Variants in SPATA6 observed in about 807,000 individuals in gnomAD.
SPATA6 encodes the protein spermatogenesis associated 6.
Under a neutral mutation model 65.3 loss-of-function variants are expected in SPATA6, and 56 were observed. The observed-to-expected ratio is 0.86, with a 90% confidence interval of 0.69 to 1.07. The LOEUF is 1.07. Among genes scored for constraint, SPATA6 ranks in the 50% least tolerant of loss-of-function variants. The pLI, the probability that SPATA6 is intolerant of heterozygous loss-of-function variation, is 0.00. For synonymous variants in SPATA6, 199 were observed against 213.2 expected (o/e 0.93, Z 0.58); for missense variants, 590 against 594.8 (o/e 0.99, Z 0.08).
intron 9 of SPATA6, among the ~76,000 whole-genome samples, chr1:48,364,875 T>A (rs1646946253): frequency 6.6e-6 from 1 of 152,210 alleles, no homozygotes; most frequent in Non-Finnish European, 1.5e-5. Context: ...TCCTTGCCCA[T>A]GCCCATGTCC....
chr1:48,402,333 TA>T (rs1651243790), intron 6 of SPATA6, among the ~76,000 whole-genome samples: 3 of 151,520 alleles, frequency 2.0e-5, no homozygotes, highest in Admixed American at 2.0e-4. Context: ...GACAAAAAGT[TA>T]AAAAGAAAAA....
intron 7 of SPATA6, among the ~76,000 whole-genome samples, chr1:48,396,086 T>A (rs988350982): frequency 4.0e-5 from 6 of 151,540 alleles, no homozygotes; most frequent in Non-Finnish European, 7.4e-5. Context: ...AAATGGCCAA[T>A]AAGAACATGA....
At chr1:48,471,937 G>C (rs1172885653) in intron 1 of SPATA6, 21 bp downstream of exon 1, 3 of 1,610,004 alleles carry the variant, frequency 1.9e-6, no homozygotes, top group African/African-American at 2.7e-5. Context: ...CCCGGGGGTG[G>C]GAGGCGCTAC....
intron 6 of SPATA6, among the ~76,000 whole-genome samples, chr1:48,402,147 G>GTAAAAA (rs1306962345): frequency 6.6e-6 from 1 of 151,742 alleles, no homozygotes. Flanking sequence ...AAGTCAAAAA[G>GTAAAAA]TAAAAATAAA....
At chr1:48,343,755 C>T (rs1474977059) in intron 11 of SPATA6, among the ~76,000 whole-genome samples, 3 of 151,886 alleles carry the variant, frequency 2.0e-5, no homozygotes, top group Admixed American at 1.3e-4. Context: ...AAAAATTATA[C>T]GGGAATACAA....
At chr1:48,412,459 G>C (rs1570489504) in intron 4 of SPATA6, among the ~76,000 whole-genome samples, 2 of 152,148 alleles carry the variant, frequency 1.3e-5, no homozygotes, top group African/African-American at 4.8e-5. Flanking sequence ...TGATAAGTTA[G>C]TTTCCATTTT....
rs1646803602 is a variant in SPATA6 at position 48,361,219 on chromosome 1, T to C, written c.910-1449A>G. On this transcript the variant is annotated intron_variant, in intron 9 of 12. Coordinates refer to ENST00000371847, the MANE Select transcript of SPATA6 (RefSeq NM_019073.4). The stretch of plus-strand genomic sequence containing the variant: ...AGAATTAGCCCTGGGAATACTCCAA[T>C]ATTTAGAGGCTTGAAAGATGAAAAG... Among the ~76,000 whole-genome samples the C allele has an allele frequency of 2.0e-5, 3 of 152,020 alleles. No individual in the cohort carries two copies. The South Asian group carries it at 6.2e-4, about 32-fold the overall frequency.
At chr1:48,283,721 G>GAAAGAAAGAAAGAAAGAAAGAAAGAA in the SPATA6 span, among the ~76,000 whole-genome samples, 1 of 142,058 alleles carries the variant, frequency 7.0e-6, no homozygotes, top group African/African-American at 2.6e-5. Context: ...AAGAAAGAAA[G>GAAAGAAAGAAAGAAAGAAAGAAAGAA]AAAATTCTTT....
intron 9 of SPATA6, among the ~76,000 whole-genome samples, chr1:48,374,494 C>A (rs1009617365): frequency 1.1e-4 from 16 of 152,184 alleles, no homozygotes; most frequent in African/African-American, 3.6e-4. Context: ...CTACCTACTA[C>A]AACATGACAT....
chr1:48,348,637 G>A (rs1324528253), intron 11 of SPATA6, among the ~76,000 whole-genome samples: 2 of 151,968 alleles, frequency 1.3e-5, no homozygotes, highest in Non-Finnish European at 1.5e-5. Context: ...AGGTCTTTTA[G>A]AAACCAAGAT....
At chr1:48,287,818 C>T in the SPATA6 span, among the ~76,000 whole-genome samples, 1 of 152,218 alleles carries the variant, frequency 6.6e-6, no homozygotes, top group East Asian at 1.9e-4. Flanking sequence ...CAAACTAACA[C>T]ACTGGGACTT....
the SPATA6 span, among the ~76,000 whole-genome samples, chr1:48,264,707 T>C: frequency 7.9e-5 from 12 of 152,334 alleles, no homozygotes; most frequent in East Asian, 7.7e-4. Context: ...CTCATCCTTT[T>C]CTATGGTTGC....
At chr1:48,384,570 A>C (rs2147862199) in intron 9 of SPATA6, among the ~76,000 whole-genome samples, 2 of 152,260 alleles carry the variant, frequency 1.3e-5, no homozygotes, top group East Asian at 3.9e-4. Flanking sequence ...AATGGTACCC[A>C]AAATGATTTT....
intron 4 of SPATA6, among the ~76,000 whole-genome samples, chr1:48,412,129 G>C (rs1174944643): frequency 6.6e-6 from 1 of 151,922 alleles, no homozygotes; most frequent in Non-Finnish European, 1.5e-5. Flanking sequence ...CAAAGTGCTG[G>C]GATTACAAGC....
intron 1 of SPATA6, among the ~76,000 whole-genome samples, chr1:48,459,204 CAAAA>C (rs35079974): frequency 4.5e-5 from 3 of 66,404 alleles, no homozygotes; most frequent in Middle Eastern, 0.01. Flanking sequence ...GACTCCATAT[CAAAA>C]AAAAAAAAAA....
chr1:48,309,181 C>T (rs1263370400), intron 11 of SPATA6, among the ~76,000 whole-genome samples: 1 of 152,046 alleles, frequency 6.6e-6, no homozygotes, highest in South Asian at 2.1e-4. Flanking sequence ...CATTATTTCT[C>T]CAAATATTCC....
At chr1:48,368,358 G>T (rs1570334400) in intron 9 of SPATA6, among the ~76,000 whole-genome samples, 1 of 152,162 alleles carries the variant, frequency 6.6e-6, no homozygotes, top group African/African-American at 2.4e-5. Context: ...CTAGATTGGG[G>T]AATTTCTCCT....
chr1:48,306,643 G>A (rs1645069142), intron 11 of SPATA6, among the ~76,000 whole-genome samples: 1 of 151,856 alleles, frequency 6.6e-6, no homozygotes, highest in African/African-American at 2.4e-5. Context: ...GATAACAAAA[G>A]AAACTAGTAA....
the SPATA6 span, among the ~76,000 whole-genome samples, chr1:48,275,447 G>C: frequency 6.6e-6 from 1 of 152,086 alleles, no homozygotes; most frequent in Admixed American, 6.6e-5. Flanking sequence ...TCCAGCTTTT[G>C]CCCATTCAGT....
Sources: gnomAD v4.1 joint callset for allele counts (sites outside exome capture counted in the v4.1 genomes callset) on GRCh38, gnomAD v4.1.1 for gene constraint, MANE v1.5 for transcripts, NCBI Gene and HGNC (gene_info 2026-07-23, HGNC 2026-07-21) for gene names.